The following PTBP3 variants were observed in gnomAD, a reference collection of about 807,000 sequenced individuals.
PTBP3 encodes the protein polypyrimidine tract-binding protein 3.
PTBP3 carries 20 observed loss-of-function variants against 58.7 expected under a neutral mutation model. The ratio of observed to expected loss-of-function variants is 0.34; its 90% CI spans 0.24 to 0.50. The LOEUF (loss-of-function observed/expected upper bound fraction) is 0.50. Ranked by LOEUF, PTBP3 falls within the 20% of genes least tolerant of loss-of-function variation. PTBP3 has a pLI of 0.98. For synonymous variants in PTBP3, 185 were observed against 219.8 expected, an observed-to-expected ratio of 0.84 and a Z score of 1.40; for missense variants, 509 against 637.2, an observed-to-expected ratio of 0.80 and a Z score of 2.17.
At chr9:112,269,348 C>T (rs954542065) in intron 3 of PTBP3, among the ~76,000 whole-genome samples, 2 of 151,932 alleles carry the variant, frequency 1.3e-5, no homozygotes, top group Admixed American at 6.6e-5. Flanking sequence ...TTGAGAAACA[C>T]TAATAATACC....
rs1398107066 is a variant in PTBP3, at chr9:112,224,201, A to G, written c.1374T>C (p.Val458=). 1 of 1,545,920 alleles carries G rather than the reference A, an allele frequency of 6.5e-7. No individual in the cohort carries two copies. Among genetic ancestry groups the G allele is most frequent in the Non-Finnish European group, 8.7e-7 (1 of 1,154,082 alleles). The change falls in exon 13 of 14, where the codon GTT becomes GTC. Residue 458 remains valine (V), a synonymous_variant. Coordinates refer to ENST00000374257, the MANE Select transcript of PTBP3 (RefSeq NM_001163788.4). Reference sequence around the variant, plus strand: ...AAAGGTTCTTCAGATCATCCACTGTAACAGAAGGGCTGTGAAAACATCAGA... The same window carrying G: ...AAAGGTTCTTCAGATCATCCACTGTGACAGAAGGGCTGTGAAAACATCAGA... ...TLHLSNIPPS[V]TVDDLKNLFI... is the part of the protein sequence containing the mutation.
chr9:112,352,172 T>G, the PTBP3 span, among the ~76,000 whole-genome samples: 1 of 152,174 alleles, frequency 6.6e-6, no homozygotes, highest in Non-Finnish European at 1.5e-5. Context: ...TACTCCCACC[T>G]GGACTTCCCA....
At chr9:112,267,433 C>T (rs1423757084) in intron 4 of PTBP3, among the ~76,000 whole-genome samples, 2 of 152,144 alleles carry the variant, frequency 1.3e-5, no homozygotes, top group Non-Finnish European at 2.9e-5. Flanking sequence ...TCCCAAACCG[C>T]GCCCGGCCAA....
intron 1 of PTBP3, among the ~76,000 whole-genome samples, chr9:112,306,608 TTG>T (rs768413006): frequency 0.13 from 6,755 of 50,878 alleles, 174 homozygotes; most frequent in African/African-American, 0.22. Context: ...ATATATATTT[TTG>T]TTTGTTTGTT....
Position 112,265,538 on chromosome 9 carries a change from A to G in PTBP3, c.351+2511T>C, listed in dbSNP as rs1429630662. Among the ~76,000 whole-genome samples, 4 of 152,126 alleles carry G rather than the reference A, an allele frequency of 2.6e-5. No individual in the cohort carries two copies. In the East Asian group the frequency reaches 7.7e-4, roughly 29 times the overall value. ...TTCTGTCTCCAAAAACAAACAAAAAACAACAACAACAAAAAATTAAGCCTT... is the reference window on the plus strand; with the variant it reads ...TTCTGTCTCCAAAAACAAACAAAAAGCAACAACAACAAAAAATTAAGCCTT... On this transcript the variant is annotated intron_variant, in intron 4 of 13. Transcript: ENST00000374257.
chr9:112,273,723 G>C (rs1827484899), intron 3 of PTBP3, among the ~76,000 whole-genome samples: 1 of 152,130 alleles, frequency 6.6e-6, no homozygotes, highest in African/African-American at 2.4e-5. Flanking sequence ...TCACTACCCA[G>C]AGGAAGGCTG....
chr9:112,340,761 C>G, the PTBP3 span, among the ~76,000 whole-genome samples: 3,244 of 152,124 alleles, frequency 0.021, 71 homozygotes, highest in African/African-American at 0.053. Flanking sequence ...CGCCTGTAAT[C>G]TCAGCTACTC....
At chr9:112,232,534 A>G (rs1411715534) in intron 8 of PTBP3, among the ~76,000 whole-genome samples, 1 of 151,342 alleles carries the variant, frequency 6.6e-6, no homozygotes, top group African/African-American at 2.4e-5. Context: ...AACTACAAAC[A>G]CTCCCTCTGT....
chr9:112,348,966 G>A, the PTBP3 span, among the ~76,000 whole-genome samples: 1 of 152,190 alleles, frequency 6.6e-6, no homozygotes, highest in Non-Finnish European at 1.5e-5. Context: ...ATTTAAAATG[G>A]TGTTGTGGTA....
At chr9:112,262,630 A>G in intron 4 of PTBP3, 31 bp from the exon 5 acceptor site, 1 of 1,530,408 alleles carries the variant, frequency 6.5e-7, no homozygotes, top group Non-Finnish European at 8.8e-7. Context: ...AGAACTTTTG[A>G]TTATACAGAC....
In PTBP3 at chr9:112,222,061, C is replaced by T; in HGVS notation, c.*1790G>A. 1.0e-6 allele frequency: 1 copy of T among 966,614 alleles called. No homozygotes were observed. The highest frequency in any genetic ancestry group is 1.2e-6 in the Non-Finnish European group (1 of 812,480). The allele number at this position is 966,614 out of a possible 1,614,324, so 59.9% of individuals were successfully genotyped here. On this transcript the variant is annotated 3_prime_UTR_variant, in exon 14 of 14. Coordinates refer to ENST00000374257, the MANE Select transcript of PTBP3 (RefSeq NM_001163788.4). ...TCCTGCCTACAGGCTCAGCCTGTAGCTGGGACTACAGGCGCACAGGCGCAC... is the reference window on the plus strand; with the variant it reads ...TCCTGCCTACAGGCTCAGCCTGTAGTTGGGACTACAGGCGCACAGGCGCAC...
At chr9:112,347,341 CT>C in the PTBP3 span, among the ~76,000 whole-genome samples, 54,490 of 130,578 alleles carry the variant, frequency 0.42, 9,691 homozygotes, top group African/African-American at 0.51. Flanking sequence ...ACTGGGATAC[CT>C]TTTTTTTTTT....
At chr9:112,277,938 TAACATAATATAAC>T (rs1374028881) in intron 2 of PTBP3, among the ~76,000 whole-genome samples, 1,931 of 104,112 alleles carry the variant, frequency 0.019, 21 homozygotes, top group East Asian at 0.063. Context: ...TAACATAACA[TAACATAATATAAC>T]ATAACATAAC....
At chr9:112,313,908 C>A (rs1829591494) in intron 1 of PTBP3, among the ~76,000 whole-genome samples, 1 of 152,192 alleles carries the variant, frequency 6.6e-6, no homozygotes, top group East Asian at 1.9e-4. Flanking sequence ...ATGGATGAAC[C>A]AACTGACGAC....
intron 5 of PTBP3, among the ~76,000 whole-genome samples, chr9:112,254,677 C>T (rs1425783485): frequency 6.6e-6 from 1 of 152,124 alleles, no homozygotes; most frequent in Non-Finnish European, 1.5e-5. Flanking sequence ...CTACATATCA[C>T]CTAACTTCCA....
At chr9:112,324,327 C>T (rs1830069059) in intron 1 of PTBP3, among the ~76,000 whole-genome samples, 1 of 151,906 alleles carries the variant, frequency 6.6e-6, no homozygotes, top group East Asian at 1.9e-4. Context: ...ACAGCAACCA[C>T]TAAAAAAAAA....
At chr9:112,372,014 G>T in the PTBP3 span, among the ~76,000 whole-genome samples, 1 of 152,054 alleles carries the variant, frequency 6.6e-6, no homozygotes, top group Non-Finnish European at 1.5e-5. Flanking sequence ...TAAAAAGGGG[G>T]CTGGGTCTTG....
chr9:112,332,358 A>C (rs984069540), intron 1 of PTBP3, among the ~76,000 whole-genome samples: 2 of 136,424 alleles, frequency 1.5e-5, no homozygotes, highest in Admixed American at 1.5e-4. Context: ...AAATCTAATG[A>C]GGTCAAAAGC....
At chr9:112,362,224 G>C in the PTBP3 span, among the ~76,000 whole-genome samples, 1 of 152,138 alleles carries the variant, frequency 6.6e-6, no homozygotes, top group Non-Finnish European at 1.5e-5. Context: ...TGAGAGGGGA[G>C]GATAACTGAG....
Sources: gnomAD v4.1 joint callset for allele counts (sites outside exome capture counted in the v4.1 genomes callset) on GRCh38, gnomAD v4.1.1 for gene constraint, MANE v1.5 for transcripts, NCBI Gene and HGNC (gene_info 2026-07-23, HGNC 2026-07-21) for gene names.